Variants in PCDHAC1 observed in about 807,000 individuals in gnomAD.
The protein encoded by PCDHAC1 is protocadherin alpha-C1.
A neutral mutation model predicts 60.0 loss-of-function variants in PCDHAC1; 42 were observed. That is an observed-to-expected ratio of 0.70 (90% confidence interval 0.55 to 0.90). PCDHAC1 has a LOEUF of 0.90. PCDHAC1 is among the 40% of genes least tolerant of loss of function. The pLI is 0.00. For missense variants in PCDHAC1, 1,160 were observed against 1,222.3 expected (o/e 0.95, Z 0.76); for synonymous variants, 468 against 499.3 (o/e 0.94, Z 0.84).
At chr5:140,997,476 A>G (rs782742177) in intron 3 of PCDHAC1, among the ~76,000 whole-genome samples, 1 of 152,196 alleles carries the variant, frequency 6.6e-6, no homozygotes, top group Admixed American at 6.5e-5. Flanking sequence ...TTTTTACACA[A>G]TGATAAGTAT....
chr5:140,927,564 G>A lies in PCDHAC1; in HGVS notation c.672G>A (p.Val224=), dbSNP rs868927450. 6.2e-7 allele frequency: 1 copy of A among 1,614,150 alleles called. No homozygotes were observed. The highest frequency in any genetic ancestry group is 1.1e-5 in the South Asian group (1 of 91,078). The change falls in exon 1 of 4, where the codon GTG becomes GTA. Residue 224 remains valine, a synonymous_variant. Transcript: ENST00000253807. ...SGDAQVTIIV[V]DTNDNAPVFE... ...ACGCACAAGTCACCATCATTGTGGTGGACACAAATGACAACGCGCCTGTAT... is the reference window on the plus strand; with the variant it reads ...ACGCACAAGTCACCATCATTGTGGTAGACACAAATGACAACGCGCCTGTAT...
At chr5:140,948,253 AT>A (rs1365335948) in intron 1 of PCDHAC1, among the ~76,000 whole-genome samples, 1 of 151,624 alleles carries the variant, frequency 6.6e-6, no homozygotes, top group Non-Finnish European at 1.5e-5. Context: ...ATATTTTTAC[AT>A]CTGTGTTCAT....
intron 3 of PCDHAC1, among the ~76,000 whole-genome samples, chr5:141,006,716 C>T (rs904868679): frequency 2.0e-5 from 3 of 151,786 alleles, no homozygotes; most frequent in Non-Finnish European, 2.9e-5. Flanking sequence ...ATTTAGGAGG[C>T]AGAAATGACA....
In PCDHAC1 at chr5:140,936,292, T is replaced by C. The variant is rs74627153; in HGVS notation, c.2433+6967T>C. Among the ~76,000 whole-genome samples the C allele has an allele frequency of 4.3e-3, 649 of 152,348 alleles. 6 individuals are homozygous for C. Among genetic ancestry groups the C allele is most frequent in the African/African-American group, 0.013 (538 of 41,592 alleles). On this transcript the variant is annotated intron_variant, in intron 1 of 3. Transcript: ENST00000253807. Reference sequence around the variant, plus strand: ...TATTCCTGTGTTTTCTTCTATAACATTGCTATCCAATAGAACTTTCTGACA... The same window carrying C: ...TATTCCTGTGTTTTCTTCTATAACACTGCTATCCAATAGAACTTTCTGACA...
At chr5:141,004,445 T>C (rs2098166676) in intron 3 of PCDHAC1, among the ~76,000 whole-genome samples, 1 of 152,206 alleles carries the variant, frequency 6.6e-6, no homozygotes. Flanking sequence ...CTGAGTCATA[T>C]AGAACCAGGA....
intron 1 of PCDHAC1, among the ~76,000 whole-genome samples, chr5:140,938,520 A>G (rs1240941217): frequency 6.6e-6 from 1 of 150,896 alleles, no homozygotes; most frequent in African/African-American, 2.4e-5. Context: ...ATTTTCTGTT[A>G]TTGAATGGAT....
At chr5:140,967,885 A>G in intron 1 of PCDHAC1, 1 of 1,614,134 alleles carries the variant, frequency 6.2e-7, no homozygotes, top group South Asian at 1.1e-5. Context: ...TGTATAGCCC[A>G]GTGCCTGAGA....
intron 1 of PCDHAC1, chr5:140,969,344 T>G: frequency 6.2e-7 from 1 of 1,613,664 alleles, no homozygotes; most frequent in Non-Finnish European, 8.5e-7. Context: ...GAGACAGTGG[T>G]CAGGGGGTCT....
intron 2 of PCDHAC1, among the ~76,000 whole-genome samples, chr5:140,979,275 C>T (rs141662665): frequency 6.6e-6 from 1 of 152,320 alleles, no homozygotes; most frequent in East Asian, 1.9e-4. Flanking sequence ...AAAATTTCTA[C>T]AGGGAAGTAA....
At chr5:141,001,384 A>G (rs1554258149) in intron 3 of PCDHAC1, among the ~76,000 whole-genome samples, 1 of 152,204 alleles carries the variant, frequency 6.6e-6, no homozygotes, top group African/African-American at 2.4e-5. Context: ...AGAGCCTAAG[A>G]TCCTACAGAG....
At chr5:140,979,710 A>G (rs1178718053) in intron 2 of PCDHAC1, among the ~76,000 whole-genome samples, 1 of 152,268 alleles carries the variant, frequency 6.6e-6, no homozygotes, top group Non-Finnish European at 1.5e-5. Flanking sequence ...GAGGTGATCC[A>G]GTATCCATGC....
chr5:140,961,400 C>T (rs929653995), intron 1 of PCDHAC1, among the ~76,000 whole-genome samples: 10 of 152,186 alleles, frequency 6.6e-5, no homozygotes, highest in African/African-American at 2.4e-4. Context: ...TTAGTAAACA[C>T]TTTTTGGCAT....
At chr5:140,966,889 C>T in intron 1 of PCDHAC1, 1 of 1,593,902 alleles carries the variant, frequency 6.3e-7, no homozygotes, top group Non-Finnish European at 8.5e-7. Flanking sequence ...GCCCTGCGGC[C>T]TCCCAGCTGC....
At chr5:140,979,354 A>G (rs1205411040) in intron 2 of PCDHAC1, among the ~76,000 whole-genome samples, 1 of 151,576 alleles carries the variant, frequency 6.6e-6, no homozygotes. Context: ...ATTAATACTC[A>G]TGCTTTGAGA....
At chr5:140,931,057 T>C (rs1554208231) in intron 1 of PCDHAC1, among the ~76,000 whole-genome samples, 1 of 152,196 alleles carries the variant, frequency 6.6e-6, no homozygotes, top group Admixed American at 6.5e-5. Context: ...CAATGCTGTG[T>C]CTGGGACTAA....
Position 140,928,056 on chromosome 5 carries a change from G to T in PCDHAC1, c.1164G>T (p.Thr388=), listed in dbSNP as rs183490994. Residue 388 remains threonine, a synonymous_variant, in exon 1 of 4, where the codon ACG becomes ACT. Coordinates refer to ENST00000253807, the MANE Select transcript of PCDHAC1 (RefSeq NM_018898.5). The part of the protein sequence containing the change: ...GMSSAGPFQL[T]ASFDNYYSLL... The stretch of plus-strand genomic sequence containing the variant: ...CTAGTGCAGGCCCTTTTCAGCTGAC[G>T]GCTTCCTTTGACAACTACTACAGCC... 6.2e-7 allele frequency: 1 copy of T among 1,614,154 alleles called. No individual in the cohort carries two copies. Among genetic ancestry groups the T allele is most frequent in the Admixed American group, 1.7e-5 (1 of 60,026 alleles).
chr5:141,007,181 G>A (rs372000063), intron 3 of PCDHAC1, among the ~76,000 whole-genome samples: 1 of 152,134 alleles, frequency 6.6e-6, no homozygotes, highest in East Asian at 1.9e-4. Context: ...AAGGTCAGGA[G>A]AATGTTTTGA....
chr5:141,000,393 CTCTA>C (rs1240848742), intron 3 of PCDHAC1, among the ~76,000 whole-genome samples: 128 of 52,788 alleles, frequency 2.4e-3, no homozygotes, highest in Admixed American at 6.8e-3. Context: ...CTCTCTCTCT[CTCTA>C]TATATATATA....
At chr5:140,953,135 G>C (rs1331167155) in intron 1 of PCDHAC1, among the ~76,000 whole-genome samples, 2 of 152,126 alleles carry the variant, frequency 1.3e-5, no homozygotes, top group Non-Finnish European at 2.9e-5. Flanking sequence ...CCGTATCACT[G>C]TTATATTTCT....
Sources: gnomAD v4.1 joint callset for allele counts (sites outside exome capture counted in the v4.1 genomes callset) on GRCh38, gnomAD v4.1.1 for gene constraint, MANE v1.5 for transcripts, NCBI Gene and HGNC (gene_info 2026-07-23, HGNC 2026-07-21) for gene names.